The following PTPN2 variants were observed in gnomAD, a reference collection of about 807,000 sequenced individuals.
The protein encoded by PTPN2 is tyrosine-protein phosphatase non-receptor type 2.
PTPN2 carries 19 observed loss-of-function variants against 57.3 expected under a neutral mutation model. That is an observed-to-expected ratio of 0.33 (90% CI 0.23 to 0.49). The LOEUF (loss-of-function observed/expected upper bound fraction) is 0.49, where lower values mean the gene tolerates loss of function less well. Among genes scored for constraint, PTPN2 ranks in the 20% least tolerant of loss-of-function variants. The probability of loss-of-function intolerance (pLI) is 0.99; values close to 1 mark genes in which losing one functional copy is unlikely to be tolerated. For synonymous variants in PTPN2, 153 were observed against 164.9 expected (o/e 0.93, Z 0.55); for missense variants, 358 against 501.1 (o/e 0.71, Z 2.73).
In PTPN2 at chr18:12,794,418, G is replaced by C; in HGVS notation, c.1108C>G (p.Gln370Glu). 6.2e-7 allele frequency: 1 copy of C among 1,614,090 alleles called. No individual in the cohort carries two copies. Among genetic ancestry groups the C allele is most frequent in the Non-Finnish European group, 8.5e-7 (1 of 1,180,014 alleles). ...TTTCGTTCATTCTCATTTAGCCTCT[G>C]TTTCATCTGCTGCACCTTCTGAGCT... Reference protein sequence around the residue: ...TTAQKVQQMKQRLNENERKRK... With the variant: ...TTAQKVQQMKERLNENERKRK... The change falls in exon 9 of 9, where the codon CAG becomes GAG. Residue 370 changes from glutamine (Q) to glutamate (E), a missense_variant. Physicochemically the swap from Gln to Glu is conservative, Grantham distance 29. Around this residue, in one of 4 missense-constraint regions of PTPN2, gnomAD observed 96 missense variants for 110.8 expected, o/e 0.87. Coordinates refer to ENST00000309660, the MANE Select transcript of PTPN2 (RefSeq NM_002828.4).
chr18:12,815,714 CAGAT>C (rs1276798638), intron 6 of PTPN2, among the ~76,000 whole-genome samples: 1 of 152,172 alleles, frequency 6.6e-6, no homozygotes, highest in Non-Finnish European at 1.5e-5. Context: ...TAAAGTAATA[CAGAT>C]GTTTAGTTAA....
chr18:12,847,658 T>C (rs1598841877), intron 2 of PTPN2, among the ~76,000 whole-genome samples: 1 of 151,718 alleles, frequency 6.6e-6, no homozygotes, highest in East Asian at 1.9e-4. Context: ...TTTTCGCTCT[T>C]GTTGCCCAGG....
At chr18:12,786,756 G>C (rs1243254778) in intron 9 of PTPN2, 1 of 152,206 alleles carries the variant, frequency 6.6e-6, no homozygotes, top group East Asian at 1.9e-4. Flanking sequence ...CAAATGCTGA[G>C]AATTAGGCTA....
At position 12,811,605 on chromosome 18, in the gene PTPN2, T is replaced by C. The variant is rs557284119; in HGVS notation, c.858+2598A>G. On this transcript the variant is annotated intron_variant, in intron 7 of 8. Transcript: ENST00000309660. ...TGGCTATGTTCGACAGACTCATTCA[T>C]GGCTATGATCAGCAGACTCACTCGT... Among the ~76,000 whole-genome samples, 3 of 152,166 alleles carry C rather than the reference T, an allele frequency of 2.0e-5. No homozygotes were observed. The South Asian group carries it at 6.2e-4, about 32-fold the overall frequency.
downstream of PTPN2, among the ~76,000 whole-genome samples, chr18:12,788,770 A>C (rs958790436): frequency 6.6e-6 from 1 of 152,086 alleles, no homozygotes; most frequent in Admixed American, 6.6e-5. Context: ...AAGGACAATG[A>C]GTCTTTCCAG....
intron 5 of PTPN2, among the ~76,000 whole-genome samples, chr18:12,818,049 G>A (rs2042138531): frequency 6.6e-6 from 1 of 152,186 alleles, no homozygotes; most frequent in African/African-American, 2.4e-5. Flanking sequence ...GGCTGAGGCA[G>A]GAGAATTGCT....
intron 1 of PTPN2, 171 bp downstream of exon 1, chr18:12,883,902 G>A (rs1254808597): frequency 2.6e-5 from 13 of 505,416 alleles, no homozygotes; most frequent in Admixed American, 1.9e-4. Context: ...ACCAAAAGGA[G>A]CAAGAGAGCG....
At chr18:12,788,109 T>C (rs893075948), downstream of PTPN2, 2 of 154,758 alleles carry the variant, frequency 1.3e-5, no homozygotes, top group African/African-American at 4.8e-5. Flanking sequence ...ATAACTGAAG[T>C]TTTTAACAGC....
chr18:12,818,477 G>A (rs568705922), intron 5 of PTPN2, among the ~76,000 whole-genome samples: 131 of 152,114 alleles, frequency 8.6e-4, no homozygotes, highest in African/African-American at 2.9e-3. Context: ...ATTCACTATC[G>A]CTTCCTGGAT....
At chr18:12,873,531 C>A (rs1349332401) in intron 1 of PTPN2, among the ~76,000 whole-genome samples, 1 of 152,250 alleles carries the variant, frequency 6.6e-6, no homozygotes, top group East Asian at 1.9e-4. Context: ...CGCGAGTGAT[C>A]CGCCAGCCTC....
chr18:12,820,158 C>T (rs1265069899), intron 5 of PTPN2, among the ~76,000 whole-genome samples: 3 of 152,148 alleles, frequency 2.0e-5, no homozygotes, highest in Non-Finnish European at 2.9e-5. Flanking sequence ...ATTCAGGTCA[C>T]GCTGTCTGGG....
chr18:12,797,778 G>A (rs1389981794), intron 8 of PTPN2, among the ~76,000 whole-genome samples: 3 of 152,180 alleles, frequency 2.0e-5, no homozygotes. Context: ...CCCTTGCCCA[G>A]GGAAGATCAT....
chr18:12,870,310 CATATAT>C lies in PTPN2; in HGVS notation c.70-11062_70-11057del, dbSNP rs1338348193. Among the ~76,000 whole-genome samples the C allele has an allele frequency of 9.0e-4, 52 of 57,518 alleles. 2 individuals carry two copies. Among genetic ancestry groups the C allele is most frequent in the South Asian group, 1.3e-3 (3 of 2,228 alleles). 37.7% of individuals were successfully genotyped at this position (57,518 alleles called of 152,430 possible). ...ATATACATATATATGTGTATATATA[CATATAT>C]ATGTGTATATATATGTATATATATA... is the stretch of plus-strand genomic sequence containing the variant. On this transcript the variant is annotated intron_variant, in intron 1 of 8. Coordinates refer to ENST00000309660, the MANE Select transcript of PTPN2 (RefSeq NM_002828.4).
At chr18:12,869,308 G>A (rs1370932175) in intron 1 of PTPN2, among the ~76,000 whole-genome samples, 2 of 152,084 alleles carry the variant, frequency 1.3e-5, no homozygotes, top group African/African-American at 4.8e-5. Flanking sequence ...TCCCAAGTAG[G>A]TGGGACTGCA....
intron 1 of PTPN2, among the ~76,000 whole-genome samples, chr18:12,881,876 A>C (rs773780323): frequency 2.0e-5 from 3 of 152,188 alleles, no homozygotes; most frequent in Non-Finnish European, 2.9e-5. Flanking sequence ...CATCCTTAAA[A>C]ACTGGGACTC....
chr18:12,807,590 T>A lies in PTPN2; in HGVS notation c.859-5439A>T, dbSNP rs372125236. Among the ~76,000 whole-genome samples the A allele has an allele frequency of 5.7e-3, 314 of 54,888 alleles. 2 individuals are homozygous for A. Among genetic ancestry groups the A allele is most frequent in the Non-Finnish European group, 0.01 (234 of 22,660 alleles). 36.0% of individuals were successfully genotyped at this position (54,888 alleles called of 152,430 possible). On this transcript the variant is annotated intron_variant, in intron 7 of 8. Transcript: ENST00000309660. The stretch of plus-strand genomic sequence containing the variant: ...GTGGAAAAAAAAAAAAAAAAAAATA[T>A]ATATATATATATATAATATAATACT...
intron 1 of PTPN2, among the ~76,000 whole-genome samples, chr18:12,868,082 C>A (rs1169725769): frequency 6.6e-6 from 1 of 152,098 alleles, no homozygotes; most frequent in Non-Finnish European, 1.5e-5. Context: ...TGGGAAAGAC[C>A]CTTCTCTAGT....
chr18:12,853,449 A>G (rs1273202137), intron 2 of PTPN2, among the ~76,000 whole-genome samples: 3 of 152,200 alleles, frequency 2.0e-5, no homozygotes, highest in African/African-American at 7.2e-5. Flanking sequence ...CCAGAAACAC[A>G]TTTTTAAATT....
At chr18:12,799,308 T>C (rs1440081555) in intron 8 of PTPN2, among the ~76,000 whole-genome samples, 1 of 151,234 alleles carries the variant, frequency 6.6e-6, no homozygotes, top group Admixed American at 6.6e-5. Flanking sequence ...TCCCAGCTAC[T>C]TGGGAGGCTA....
Sources: allele counts gnomAD v4.1 joint callset (sites outside exome capture counted in the v4.1 genomes callset), GRCh38; gene constraint gnomAD v4.1.1; regional missense constraint gnomAD v4.1.1; transcripts MANE v1.5; gene names NCBI Gene and HGNC (gene_info 2026-07-23, HGNC 2026-07-21).